The following DOCK10 variants were observed in gnomAD, a reference collection of about 807,000 sequenced individuals.
DOCK10 encodes dedicator of cytokinesis 10.
Under a neutral mutation model 280.1 loss-of-function variants are expected in DOCK10, and 145 were observed. The ratio of observed to expected loss-of-function variants is 0.52; its 90% CI spans 0.45 to 0.59. The LOEUF is 0.59. Ranked by LOEUF, DOCK10 falls within the 20% of genes least tolerant of loss-of-function variation. The probability of loss-of-function intolerance (pLI) is 0.00; values close to 1 mark genes in which losing one functional copy is unlikely to be tolerated. For synonymous variants in DOCK10, 915 were observed against 942.2 expected, an observed-to-expected ratio of 0.97 and a Z score of 0.53; for missense variants, 2,368 against 2,651.7, an observed-to-expected ratio of 0.89 and a Z score of 2.35.
At chr2:224,874,620 C>T (rs778679438) in intron 9 of DOCK10, 46 bp downstream of exon 9, 5 of 1,536,834 alleles carry the variant, frequency 3.3e-6, no homozygotes, top group East Asian at 2.2e-5. Flanking sequence ...CAATAACTAA[C>T]AAATAATTCA....
chr2:225,034,213 C>T (rs1389517243), intron 1 of DOCK10, among the ~76,000 whole-genome samples: 1 of 152,146 alleles, frequency 6.6e-6, no homozygotes, highest in Non-Finnish European at 1.5e-5. Context: ...AGCTGGGAGG[C>T]AGTTATAGAG....
chr2:225,033,013 A>T (rs1446647892), intron 1 of DOCK10, among the ~76,000 whole-genome samples: 2 of 152,134 alleles, frequency 1.3e-5, no homozygotes, highest in East Asian at 3.8e-4. Flanking sequence ...CCCTTTTCAG[A>T]TTTTCAGATC....
At position 224,886,539 on chromosome 2, in the gene DOCK10, T is replaced by TA. The variant is rs71734299; in HGVS notation, c.417-9dup. ...TCTGGTTTGTATTCTGCTCTGATAT[T>TA]AAAAAAAAAAAAAGATTCTGATTTG... On this transcript the variant is annotated splice_polypyrimidine_tract_variant and intron_variant, in intron 4 of 55. Transcript: ENST00000258390. 0.024 allele frequency: 31,888 copies of TA among 1,324,442 alleles called. 3 individuals carry two copies. Among genetic ancestry groups the TA allele is most frequent in the South Asian group, 0.027 (1,963 of 73,792 alleles). 82.0% of individuals were successfully genotyped at this position (1,324,442 alleles called of 1,614,324 possible).
At chr2:224,993,034 C>T (rs1706171235) in intron 1 of DOCK10, among the ~76,000 whole-genome samples, 1 of 152,006 alleles carries the variant, frequency 6.6e-6, no homozygotes, top group African/African-American at 2.4e-5. Context: ...GGTAGGAGCA[C>T]TGAAAAATGA....
chr2:224,790,226 T>C (rs145312660), intron 47 of DOCK10, among the ~76,000 whole-genome samples: 40 of 152,312 alleles, frequency 2.6e-4, no homozygotes, highest in Middle Eastern at 3.4e-3. Flanking sequence ...AGAGGAGAGA[T>C]AGATCTGAAT....
At chr2:224,802,569 GTAGT>G (rs555589606) in intron 39 of DOCK10, among the ~76,000 whole-genome samples, 76 of 152,238 alleles carry the variant, frequency 5.0e-4, no homozygotes, top group African/African-American at 1.6e-3. Flanking sequence ...TGGGAGGTAG[GTAGT>G]TAAAGGACCT....
At chr2:224,953,976 A>T (rs772036655) in intron 1 of DOCK10, among the ~76,000 whole-genome samples, 3 of 151,990 alleles carry the variant, frequency 2.0e-5, no homozygotes, top group Non-Finnish European at 2.9e-5. Context: ...TGTGGGGTAG[A>T]TGTTGTGCAT....
chr2:224,842,661 C>G (rs1030722075), intron 22 of DOCK10, among the ~76,000 whole-genome samples: 2 of 151,922 alleles, frequency 1.3e-5, no homozygotes, highest in African/African-American at 4.8e-5. Flanking sequence ...AACTGTTTTC[C>G]CTTTAAGTAT....
intron 4 of DOCK10, among the ~76,000 whole-genome samples, chr2:224,887,287 C>G (rs539782232): frequency 6.6e-6 from 1 of 152,118 alleles, no homozygotes; most frequent in Admixed American, 6.5e-5. Context: ...AGAACCATGA[C>G]CCTGAGAACC....
In DOCK10 at chr2:224,856,868, A is replaced by C. The variant is rs774957057; in HGVS notation, c.1800T>G (p.Asp600Glu). The change falls in exon 15 of 56, where the codon GAT becomes GAG. Residue 600 changes from aspartate to glutamate, a missense_variant. This residue lies in a region of DOCK10 where 1,209 missense variants were observed against 1,250.9 expected (regional missense o/e 0.97). Transcript: ENST00000258390. The part of the protein sequence containing the change: ...STEDLVKLVS[D>E]YRRADRISKM... ...GTATAAAAAAAACATACCTTCTATA[A>C]TCTGATACTAGTTTAACTAGGTCCT... is the stretch of plus-strand genomic sequence containing the variant. 4.0e-5 allele frequency: 65 copies of C among 1,607,926 alleles called. No individual in the cohort carries two copies. In the Admixed American group the frequency reaches 1.1e-3, roughly 26 times the overall value.
rs764406826 is a variant in DOCK10 at position 224,774,928 on chromosome 2, C to A, written c.5990G>T (p.Cys1997Phe). The change falls in exon 52 of 56, where the codon TGC (cysteine) becomes TTC (phenylalanine). Residue 1997 changes from cysteine to phenylalanine, a missense_variant. Transcript: ENST00000258390. ...ACTTGTCAGGATCGTCCGCCGCTTG[C>A]ACTGCTCCGCCACCCCACCGTGCTT... ...GKKHGGVAEQCKRRTILTTSH... is the reference protein window; with the variant it reads ...GKKHGGVAEQFKRRTILTTSH... The A allele has an allele frequency of 2.5e-6, 4 of 1,602,568 alleles. No individual in the cohort carries two copies. In the Admixed American group the frequency reaches 6.9e-5, roughly 27 times the overall value.
chr2:224,974,715 G>C (rs1705300591), intron 1 of DOCK10, among the ~76,000 whole-genome samples: 1 of 144,116 alleles, frequency 6.9e-6, no homozygotes, highest in Non-Finnish European at 1.5e-5. Context: ...TTTTTACTTG[G>C]TAATATGATG....
At chr2:224,859,808 T>G (rs1697383233) in intron 14 of DOCK10, among the ~76,000 whole-genome samples, 1 of 152,226 alleles carries the variant, frequency 6.6e-6, no homozygotes, top group Non-Finnish European at 1.5e-5. Flanking sequence ...TTGAAGTATG[T>G]CAGGAAGCTG....
At position 224,941,998 on chromosome 2, in the gene DOCK10, G is replaced by C. The variant is rs556664392; in HGVS notation, c.124-10330C>G. Among the ~76,000 whole-genome samples, 57 of 152,142 alleles carry C rather than the reference G, an allele frequency of 3.7e-4. 1 individual carries two copies. The South Asian group carries it at 3.9e-3, about 11-fold the overall frequency. ...TTACAATCAAAAAGTTTTGTACCAC[G>C]GCCACCTTCCAGGAAATAAAGGGTT... is the stretch of plus-strand genomic sequence containing the variant. On this transcript the variant is annotated intron_variant, in intron 1 of 55. Coordinates refer to ENST00000258390, the MANE Select transcript of DOCK10 (RefSeq NM_014689.3).
chr2:224,879,754 G>A (rs1698867685), intron 7 of DOCK10, among the ~76,000 whole-genome samples: 1 of 151,302 alleles, frequency 6.6e-6, no homozygotes, highest in Admixed American at 6.6e-5. Context: ...GCGAGTCTCT[G>A]TCTCAAAATA....
intron 1 of DOCK10, among the ~76,000 whole-genome samples, chr2:224,997,170 T>C (rs1426028468): frequency 4.6e-5 from 7 of 152,126 alleles, no homozygotes. Context: ...AATTCAACAC[T>C]GCCTTTGGGG....
At chr2:224,894,828 C>G (rs1004898370) in intron 4 of DOCK10, among the ~76,000 whole-genome samples, 3 of 152,154 alleles carry the variant, frequency 2.0e-5, no homozygotes, top group African/African-American at 7.2e-5. Flanking sequence ...CGATTGCCAC[C>G]CCTGCAGTCC....
intron 18 of DOCK10, 130 bp from the exon 19 acceptor site, chr2:224,849,729 C>T: frequency 1.6e-6 from 1 of 640,548 alleles, no homozygotes; most frequent in East Asian, 2.8e-5. Flanking sequence ...CCAGGCTAAG[C>T]TGGCATCTAA....
chr2:224,810,019 C>T (rs947622422), intron 31 of DOCK10, among the ~76,000 whole-genome samples: 1 of 149,140 alleles, frequency 6.7e-6, no homozygotes, highest in Non-Finnish European at 1.5e-5. Flanking sequence ...GAAATCCTAC[C>T]ATTTGTGACA....
Sources: allele counts gnomAD v4.1 joint callset (sites outside exome capture counted in the v4.1 genomes callset), GRCh38; gene constraint gnomAD v4.1.1; regional missense constraint gnomAD v4.1.1; transcripts MANE v1.5; gene names NCBI Gene and HGNC (gene_info 2026-07-23, HGNC 2026-07-21).